The following DYSF variants were observed in gnomAD, a reference collection of about 807,000 sequenced individuals.
DYSF encodes the protein dysferlin.
Under a neutral mutation model 274.9 loss-of-function variants are expected in DYSF, and 212 were observed. That is an observed-to-expected ratio of 0.77 (90% CI 0.69 to 0.86). The LOEUF (loss-of-function observed/expected upper bound fraction) is 0.86. Ranked by LOEUF, DYSF falls within the 40% of genes least tolerant of loss-of-function variation. The pLI is 0.00. For synonymous variants in DYSF, 1,091 were observed against 1,078.7 expected, an observed-to-expected ratio of 1.01 and a Z score of -0.22; for missense variants, 2,666 against 2,783.2, an observed-to-expected ratio of 0.96 and a Z score of 0.95.
At position 71,475,431 on chromosome 2, in the gene DYSF, C is replaced by T. The variant is rs1032105405; in HGVS notation, c.92-5452C>T. On this transcript the variant is annotated intron_variant, in intron 1 of 55. Coordinates refer to ENST00000410020, the MANE Select transcript of DYSF (RefSeq NM_001130987.2). ...GAAACTCCCAGCCCAGTTGGGGGTT[C>T]AGAGCTAGAAGCACACTGCTACACG... Among the ~76,000 whole-genome samples, 2 of 152,192 alleles carry T rather than the reference C, an allele frequency of 1.3e-5. 1 individual carries two copies. Among genetic ancestry groups the T allele is most frequent in the Non-Finnish European group, 2.9e-5 (2 of 68,046 alleles).
chr2:71,506,276 G>A (rs2085462774), intron 4 of DYSF, among the ~76,000 whole-genome samples: 1 of 152,216 alleles, frequency 6.6e-6, no homozygotes, highest in Non-Finnish European at 1.5e-5. Flanking sequence ...GTCACAGCCA[G>A]GGAGGGTCTG....
At chr2:71,573,550 G>A (rs976859144) in intron 29 of DYSF, among the ~76,000 whole-genome samples, 1 of 152,198 alleles carries the variant, frequency 6.6e-6, no homozygotes. Context: ...GCTGAGTTGG[G>A]TCTAGCTCCC....
At position 71,526,452 on chromosome 2, in the gene DYSF, G is replaced by T. The variant is rs780635080; in HGVS notation, c.1276+106G>T. On this transcript the variant is annotated intron_variant, in intron 13 of 55. Transcript: ENST00000410020. The stretch of plus-strand genomic sequence containing the variant: ...GGGTCAGCTCCCTGGGGGAAGGAGA[G>T]GCGTCTAGGAAAACAATCAGAATTT... 3 of 1,471,414 alleles carry T rather than the reference G, an allele frequency of 2.0e-6. No homozygotes were observed. The African/African-American group carries it at 4.2e-5, about 21-fold the overall frequency. The allele number at this position is 1,471,414 out of a possible 1,614,324, so 91.1% of individuals were successfully genotyped here. A position where few individuals can be genotyped will look rare whatever the true frequency, so the allele number is the denominator to read the frequency against.
intron 14 of DYSF, 100 bp downstream of exon 14, chr2:71,528,501 C>T (rs988360003): frequency 9.9e-6 from 10 of 1,012,524 alleles, no homozygotes; most frequent in African/African-American, 1.6e-5. Context: ...ATGCCCCCAC[C>T]AGAGGTGTGT....
At chr2:71,656,339 G>A (rs763567324) in intron 43 of DYSF, 49 bp downstream of exon 43, 94 of 1,611,034 alleles carry the variant, frequency 5.8e-5, no homozygotes, top group Non-Finnish European at 7.8e-5. Flanking sequence ...AGACTGTGGT[G>A]TTGGAGCAAT....
rs1033087817 is a variant in DYSF at position 71,508,520 on chromosome 2, A to AT, written c.346-3280dup. Among the ~76,000 whole-genome samples the AT allele has an allele frequency of 2.0e-5, 3 of 152,184 alleles. No homozygotes were observed. The East Asian group carries it at 5.8e-4, about 29-fold the overall frequency. On this transcript the variant is annotated intron_variant, in intron 4 of 55. Transcript: ENST00000410020. ...GACTTTTATAACCTTGTAGCTGGAT[A>AT]TTTTTTTGAAATTCCGGCCAATTAT...
intron 45 of DYSF, among the ~76,000 whole-genome samples, chr2:71,661,324 T>C (rs1293641427): frequency 6.6e-6 from 1 of 152,072 alleles, no homozygotes; most frequent in Admixed American, 6.5e-5. Flanking sequence ...CCCACTGGTA[T>C]CATCTTACCT....
At chr2:71,489,605 G>A (rs2083649386) in intron 3 of DYSF, among the ~76,000 whole-genome samples, 1 of 152,230 alleles carries the variant, frequency 6.6e-6, no homozygotes, top group Non-Finnish European at 1.5e-5. Flanking sequence ...GGAAGGGGCT[G>A]AACATGCTCT....
intron 52 of DYSF, among the ~76,000 whole-genome samples, chr2:71,677,356 A>G: frequency 6.6e-6 from 1 of 152,226 alleles, no homozygotes; most frequent in South Asian, 2.1e-4. Flanking sequence ...TTCAGAAAAT[A>G]ATTTTTCTAT....
intron 36 of DYSF, among the ~76,000 whole-genome samples, chr2:71,607,750 G>A (rs1394181027): frequency 6.6e-6 from 1 of 152,166 alleles, no homozygotes; most frequent in Non-Finnish European, 1.5e-5. Context: ...TGGCGTGGGA[G>A]CTTTTGGCTT....
Position 71,674,289 on chromosome 2 carries a change from T to A in DYSF, c.5877T>A (p.Asp1959Glu). Residue 1959 changes from aspartate (D) to glutamate (E), a missense_variant, in exon 52 of 56, where the codon GAT becomes GAA. Physicochemically the swap from Asp to Glu is conservative, Grantham distance 45. Coordinates refer to ENST00000410020, the MANE Select transcript of DYSF (RefSeq NM_001130987.2). ...IWDNDKFSFDDFLGSLQLDLN... is the reference protein window; with the variant it reads ...IWDNDKFSFDEFLGSLQLDLN... Reference sequence around the variant, plus strand: ...ACAATGACAAGTTCTCCTTTGATGATTTTCTGGGTAAGCGCTATTGCTAGA... The same window carrying A: ...ACAATGACAAGTTCTCCTTTGATGAATTTCTGGGTAAGCGCTATTGCTAGA... 1.9e-6 allele frequency: 3 copies of A among 1,614,184 alleles called. No individual in the cohort carries two copies. Among genetic ancestry groups the A allele is most frequent in the Non-Finnish European group, 2.5e-6 (3 of 1,180,000 alleles).
intron 14 of DYSF, among the ~76,000 whole-genome samples, chr2:71,533,906 T>C (rs1384059348): frequency 6.6e-6 from 1 of 152,244 alleles, no homozygotes; most frequent in Non-Finnish European, 1.5e-5. Context: ...CTTCATTCTG[T>C]GAACTGTCTC....
chr2:71,493,744 C>T (rs923241165), intron 3 of DYSF, among the ~76,000 whole-genome samples: 3 of 146,358 alleles, frequency 2.0e-5, no homozygotes, highest in Non-Finnish European at 3.0e-5. Flanking sequence ...CCCAGCTACC[C>T]GGGAGGCTGA....
At position 71,568,037 on chromosome 2, in the gene DYSF, G is replaced by A. The variant is rs1221035313; in HGVS notation, c.2652G>A (p.Glu884=). The change falls in exon 25 of 56, where the codon GAG becomes GAA. Residue 884 remains glutamate, a synonymous_variant. Coordinates refer to ENST00000410020, the MANE Select transcript of DYSF (RefSeq NM_001130987.2). ...LWFGLSVDEK[E]FNQFAEGKLS... ...TTGGGCTCTCAGTGGATGAGAAGGA[G>A]TTCAACCAGTTTGCTGAGGGGAAGC... 6.2e-7 allele frequency: 1 copy of A among 1,614,210 alleles called. No individual in the cohort carries two copies. The highest frequency in any genetic ancestry group is 8.5e-7 in the Non-Finnish European group (1 of 1,180,036).
At chr2:71,674,425 G>A (rs2095185000) in intron 52 of DYSF, 129 bp downstream of exon 52, 7 of 849,340 alleles carry the variant, frequency 8.2e-6, no homozygotes, top group Admixed American at 7.9e-5. Context: ...CTGCTTTCAG[G>A]GAGCTCAGGG....
Position 71,574,215 on chromosome 2 carries a change from G to A in DYSF, c.3246G>A (p.Ala1082=), listed in dbSNP as rs764414374. 1.5e-5 allele frequency: 24 copies of A among 1,613,552 alleles called. No individual in the cohort carries two copies. The highest frequency in any genetic ancestry group is 1.3e-4 in the Admixed American group (8 of 60,030). The change falls in exon 30 of 56, where the codon GCG becomes GCA. Residue 1082 remains alanine, a synonymous_variant. Transcript: ENST00000410020. The part of the protein sequence containing the change: ...EALKRHRQAE[A]EGEGWEYASL... ...TTGTGCAGCACAGGCAGGCGGAGGC[G>A]GAGGGCGAGGGCTGGGAGTACGCCT...
chr2:71,681,960 A>G (rs2095302033), intron 54 of DYSF, among the ~76,000 whole-genome samples: 1 of 152,212 alleles, frequency 6.6e-6, no homozygotes, highest in Non-Finnish European at 1.5e-5. Context: ...CCAGTGTGCA[A>G]TCTGATGTTA....
At chr2:71,520,765 A>G in intron 11 of DYSF, 24 bp from the exon 12 acceptor site, 1 of 1,608,154 alleles carries the variant, frequency 6.2e-7, no homozygotes, top group Non-Finnish European at 8.5e-7. Flanking sequence ...TTCTGGGATC[A>G]CCAGAGGATG....
At chr2:71,537,609 C>A (rs1384701433) in intron 16 of DYSF, among the ~76,000 whole-genome samples, 1 of 152,198 alleles carries the variant, frequency 6.6e-6, no homozygotes, top group Admixed American at 6.5e-5. Context: ...GCTGACAATT[C>A]ATTCTTCCTA....
Sources: gnomAD v4.1 joint callset for allele counts (sites outside exome capture counted in the v4.1 genomes callset) on GRCh38, gnomAD v4.1.1 for gene constraint, MANE v1.5 for transcripts, NCBI Gene and HGNC (gene_info 2026-07-23, HGNC 2026-07-21) for gene names.